The following GPATCH2 variants were observed in gnomAD, a reference collection of about 807,000 sequenced individuals.
GPATCH2 encodes G patch domain-containing protein 2.
In GPATCH2, 51 loss-of-function variants were observed where a neutral mutation model predicts 58.0. The observed-to-expected ratio is 0.88, with a 90% CI of 0.70 to 1.11. The LOEUF (loss-of-function observed/expected upper bound fraction) is 1.11. Among genes scored for constraint, GPATCH2 ranks in the 50% most tolerant of loss-of-function variants. GPATCH2 has a pLI of 0.00. For synonymous variants in GPATCH2, 222 were observed against 218.5 expected (o/e 1.02, Z -0.14); for missense variants, 625 against 652.2 (o/e 0.96, Z 0.45).
At chr1:217,555,456 G>A (rs777604832) in intron 5 of GPATCH2, among the ~76,000 whole-genome samples, 1 of 152,076 alleles carries the variant, frequency 6.6e-6, no homozygotes, top group Non-Finnish European at 1.5e-5. Flanking sequence ...GCTCCTGCTT[G>A]TACGTTAGGG....
intron 5 of GPATCH2, among the ~76,000 whole-genome samples, chr1:217,574,401 C>T (rs563783167): frequency 2.0e-5 from 3 of 152,116 alleles, no homozygotes; most frequent in African/African-American, 7.2e-5. Flanking sequence ...GACTAGGAAT[C>T]TCCTAGAGCT....
At chr1:217,609,591 C>G (rs1168465792) in intron 5 of GPATCH2, 14 of 984,050 alleles carry the variant, frequency 1.4e-5, no homozygotes, top group Non-Finnish European at 1.7e-5. Flanking sequence ...GAACAAAATA[C>G]AAACTCCAGC....
At chr1:217,478,688 A>G (rs920404377) in intron 8 of GPATCH2, among the ~76,000 whole-genome samples, 1 of 152,240 alleles carries the variant, frequency 6.6e-6, no homozygotes, top group East Asian at 1.9e-4. Context: ...GGGAAATGAA[A>G]GAGATAGGGG....
intron 5 of GPATCH2, among the ~76,000 whole-genome samples, chr1:217,520,075 G>A (rs1396767729): frequency 1.3e-5 from 2 of 152,074 alleles, no homozygotes; most frequent in Non-Finnish European, 2.9e-5. Flanking sequence ...AAGTAAAAAT[G>A]TGTTTATATG....
intron 5 of GPATCH2, among the ~76,000 whole-genome samples, chr1:217,586,905 T>C (rs779343100): frequency 1.4e-4 from 21 of 152,160 alleles, no homozygotes; most frequent in Non-Finnish European, 2.4e-4. Context: ...CATGGCCGCA[T>C]ACACTGTACT....
chr1:217,448,792 C>T (rs989118729), intron 9 of GPATCH2, among the ~76,000 whole-genome samples: 2 of 152,218 alleles, frequency 1.3e-5, no homozygotes, highest in African/African-American at 4.8e-5. Flanking sequence ...TGCTACAGAA[C>T]TGGGACTAGA....
intron 8 of GPATCH2, among the ~76,000 whole-genome samples, chr1:217,459,994 T>C (rs779492474): frequency 1.3e-5 from 2 of 152,246 alleles, no homozygotes; most frequent in East Asian, 1.9e-4. Flanking sequence ...AAGAGCAAAG[T>C]AGAGAATATA....
chr1:217,523,704 G>T lies in GPATCH2; in HGVS notation c.1099-8815C>A, dbSNP rs548778429. On this transcript the variant is annotated intron_variant, in intron 5 of 9. Transcript: ENST00000366935. ...AGCTGTTGGGTACACCTCCCAGACG[G>T]GGTGGTGGCCGGGCAGAGGGGCTCC... Among the ~76,000 whole-genome samples, 72 of 151,092 alleles carry T rather than the reference G, an allele frequency of 4.8e-4. 3 individuals carry two copies. Among genetic ancestry groups the T allele is most frequent in the African/African-American group, 1.6e-3 (64 of 40,550 alleles).
At chr1:217,564,304 G>C (rs1666098876) in intron 5 of GPATCH2, among the ~76,000 whole-genome samples, 1 of 152,050 alleles carries the variant, frequency 6.6e-6, no homozygotes, top group Non-Finnish European at 1.5e-5. Flanking sequence ...GTAAAAACGA[G>C]GCATGTAAGG....
intron 7 of GPATCH2, among the ~76,000 whole-genome samples, chr1:217,497,896 T>C (rs1234380857): frequency 2.0e-5 from 3 of 152,202 alleles, no homozygotes; most frequent in South Asian, 2.1e-4. Flanking sequence ...CTGCCATGTA[T>C]ACCAGTAAGA....
In GPATCH2 at chr1:217,484,746, AC is replaced by A. The variant is rs1488802432; in HGVS notation, c.1277+6933del. On this transcript the variant is annotated intron_variant, in intron 8 of 9. Coordinates refer to ENST00000366935, the MANE Select transcript of GPATCH2 (RefSeq NM_018040.5). The stretch of plus-strand genomic sequence containing the variant: ...GATATATGTGCATATGTATATAAAT[AC>A]ATAGGAGGTATAGGTATATATAGGA... Among the ~76,000 whole-genome samples, 7 of 150,572 alleles carry A rather than the reference AC, an allele frequency of 4.6e-5. No homozygotes were observed. In the East Asian group the frequency reaches 7.8e-4, roughly 17 times the overall value.
chr1:217,621,607 G>C (rs1316427374), intron 1 of GPATCH2, among the ~76,000 whole-genome samples: 1 of 152,160 alleles, frequency 6.6e-6, no homozygotes, highest in Non-Finnish European at 1.5e-5. Context: ...AATGGGTATG[G>C]CTGTGTTCTA....
intron 5 of GPATCH2, among the ~76,000 whole-genome samples, chr1:217,589,164 CAT>C (rs1169854777): frequency 1.3e-5 from 2 of 152,004 alleles, no homozygotes; most frequent in Admixed American, 6.6e-5. Context: ...AATGTGGGCC[CAT>C]ATGTCATGTC....
chr1:217,500,475 G>A (rs1002216032), intron 6 of GPATCH2, among the ~76,000 whole-genome samples: 1 of 152,008 alleles, frequency 6.6e-6, no homozygotes, highest in African/African-American at 2.4e-5. Flanking sequence ...ACCTTTTGCT[G>A]AAGAACTCAC....
intron 5 of GPATCH2, among the ~76,000 whole-genome samples, chr1:217,558,862 G>T (rs1002829089): frequency 6.6e-6 from 1 of 152,102 alleles, no homozygotes; most frequent in Non-Finnish European, 1.5e-5. Context: ...CAAAAGCCTA[G>T]AAGTCATCCC....
At chr1:217,585,351 G>A (rs1231185352) in intron 5 of GPATCH2, among the ~76,000 whole-genome samples, 13 of 152,232 alleles carry the variant, frequency 8.5e-5, no homozygotes, top group African/African-American at 2.2e-4. Flanking sequence ...TGCCGGGCGC[G>A]GTGGCTCACG....
chr1:217,490,356 C>G (rs533005438), intron 8 of GPATCH2, among the ~76,000 whole-genome samples: 1 of 152,100 alleles, frequency 6.6e-6, no homozygotes, highest in African/African-American at 2.4e-5. Context: ...TTTTATTTAT[C>G]GTGCATGTTA....
At chr1:217,484,974 T>C (rs1053312317) in intron 8 of GPATCH2, among the ~76,000 whole-genome samples, 1 of 152,194 alleles carries the variant, frequency 6.6e-6, no homozygotes, top group Non-Finnish European at 1.5e-5. Context: ...TTAAGTTTTC[T>C]ATGTGGTATA....
At chr1:217,436,947 G>C (rs956703211) in intron 9 of GPATCH2, among the ~76,000 whole-genome samples, 2 of 152,138 alleles carry the variant, frequency 1.3e-5, no homozygotes, top group African/African-American at 4.8e-5. Context: ...CGGCAAGATG[G>C]CTGAATAGGA....
Sources: allele counts gnomAD v4.1 joint callset (sites outside exome capture counted in the v4.1 genomes callset), GRCh38; gene constraint gnomAD v4.1.1; transcripts MANE v1.5; gene names NCBI Gene and HGNC (gene_info 2026-07-23, HGNC 2026-07-21).